Variants in FRMD4B observed in about 807,000 individuals in gnomAD.
FRMD4B encodes the protein FERM domain-containing protein 4B.
Under a neutral mutation model 141.5 loss-of-function variants are expected in FRMD4B, and 74 were observed. That is an observed-to-expected ratio of 0.52 (90% CI 0.43 to 0.63). The LOEUF (loss-of-function observed/expected upper bound fraction) is 0.63, where lower values mean the gene tolerates loss of function less well. FRMD4B is among the 30% of genes least tolerant of loss of function. The pLI, the probability that FRMD4B is intolerant of heterozygous loss-of-function variation, is 0.00. For missense variants in FRMD4B, 1,366 were observed against 1,253.4 expected, an observed-to-expected ratio of 1.09 and a Z score of -1.36; for synonymous variants, 506 against 467.9, an observed-to-expected ratio of 1.08 and a Z score of -1.05.
At chr3:69,216,851 T>G (rs1210170424) in intron 10 of FRMD4B, among the ~76,000 whole-genome samples, 1 of 152,154 alleles carries the variant, frequency 6.6e-6, no homozygotes, top group Non-Finnish European at 1.5e-5. Context: ...AATCTTTAAG[T>G]TGAAATAGTC....
intron 5 of FRMD4B, among the ~76,000 whole-genome samples, chr3:69,256,015 T>C (rs2093490203): frequency 6.6e-6 from 1 of 152,052 alleles, no homozygotes; most frequent in African/African-American, 2.4e-5. Flanking sequence ...GAGGATTGCT[T>C]GAGCCAAGGA....
intron 1 of FRMD4B, among the ~76,000 whole-genome samples, chr3:69,322,759 GCTAA>G (rs1196054365): frequency 6.6e-6 from 1 of 151,964 alleles, no homozygotes; most frequent in African/African-American, 2.4e-5. Context: ...ACCACACCTG[GCTAA>G]CTTTTTCTAT....
intron 1 of FRMD4B, among the ~76,000 whole-genome samples, chr3:69,531,015 G>A (rs1701002019): frequency 1.3e-5 from 2 of 152,156 alleles, no homozygotes. Context: ...ACTGGCAACA[G>A]GCATCTTGCA....
intron 5 of FRMD4B, 96 bp downstream of exon 5, chr3:69,287,656 C>G: frequency 2.0e-5 from 12 of 600,924 alleles, no homozygotes; most frequent in South Asian, 1.9e-5. Flanking sequence ...TTTTTTTTTT[C>G]TTAGTTTGAA....
intron 1 of FRMD4B, among the ~76,000 whole-genome samples, chr3:69,464,771 T>C (rs9284821): frequency 0.031 from 4,643 of 152,154 alleles, 249 homozygotes; most frequent in African/African-American, 0.11. Context: ...GAAAACAAAA[T>C]TGAACCTGAA....
In FRMD4B at chr3:69,196,328, C is replaced by T. The variant is rs756860865; in HGVS notation, c.1161G>A (p.Arg387=). The change falls in exon 14 of 23, where the codon AGG becomes AGA. Residue 387 remains arginine (R), a synonymous_variant. Transcript: ENST00000398540. ...AMDLTETGTQ[R]ASKLVTLETK... ...TCTCCAGTGTCACCAGCTTGGAGGCCCTTTGTGTTCCTGTCTCTGTCAAAT... is the reference window on the plus strand; with the variant it reads ...TCTCCAGTGTCACCAGCTTGGAGGCTCTTTGTGTTCCTGTCTCTGTCAAAT... 2 of 1,609,284 alleles carry T rather than the reference C, an allele frequency of 1.2e-6. No individual in the cohort carries two copies. The highest frequency in any genetic ancestry group is 2.2e-5 in the East Asian group (1 of 44,718).
intron 4 of FRMD4B, among the ~76,000 whole-genome samples, chr3:69,299,103 G>C (rs183388533): frequency 6.6e-6 from 1 of 152,032 alleles, no homozygotes; most frequent in African/African-American, 2.4e-5. Flanking sequence ...CTTCACTATC[G>C]GGTCCTCAGA....
At chr3:69,200,626 C>CCTAA in intron 11 of FRMD4B, 1 of 1,216,902 alleles carries the variant, frequency 8.2e-7, no homozygotes, top group Non-Finnish European at 1.0e-6. Flanking sequence ...AATTCTACTC[C>CCTAA]TTCCTCCCAT....
intron 1 of FRMD4B, among the ~76,000 whole-genome samples, chr3:69,362,072 T>C (rs945411550): frequency 6.6e-5 from 10 of 152,216 alleles, no homozygotes; most frequent in African/African-American, 2.4e-4. Context: ...GCATTTGTGT[T>C]TAAGTGACTT....
intron 4 of FRMD4B, among the ~76,000 whole-genome samples, chr3:69,298,776 T>C (rs1701115443): frequency 6.6e-6 from 1 of 152,134 alleles, no homozygotes; most frequent in Admixed American, 6.5e-5. Context: ...ACCACTGTTT[T>C]TAGAAATGCA....
At chr3:69,385,029 A>G (rs1279777979) in intron 1 of FRMD4B, among the ~76,000 whole-genome samples, 4 of 151,982 alleles carry the variant, frequency 2.6e-5, no homozygotes, top group African/African-American at 9.7e-5. Context: ...TATATTAACA[A>G]CCAAAGCACA....
intron 11 of FRMD4B, among the ~76,000 whole-genome samples, chr3:69,214,918 C>T (rs1034997375): frequency 2.6e-5 from 4 of 151,808 alleles, no homozygotes; most frequent in African/African-American, 9.7e-5. Flanking sequence ...CTCACCCTGT[C>T]GCCCAGGCTG....
At chr3:69,461,126 G>C (rs1345465340) in intron 1 of FRMD4B, among the ~76,000 whole-genome samples, 5 of 152,210 alleles carry the variant, frequency 3.3e-5, no homozygotes, top group Non-Finnish European at 7.3e-5. Flanking sequence ...AGCTCTCTCT[G>C]CGTGTGATAT....
At chr3:69,244,651 T>A (rs932034561) in intron 7 of FRMD4B, among the ~76,000 whole-genome samples, 2 of 150,822 alleles carry the variant, frequency 1.3e-5, no homozygotes, top group Non-Finnish European at 2.9e-5. Flanking sequence ...TCCCAGCATT[T>A]TGGGAGGCTG....
intron 2 of FRMD4B, among the ~76,000 whole-genome samples, chr3:69,396,478 C>G (rs1272118013): frequency 6.6e-6 from 1 of 151,656 alleles, no homozygotes. Flanking sequence ...GCACTTTAGC[C>G]TGGGTGACAG....
At position 69,386,023 on chromosome 3, in the gene FRMD4B, G is replaced by A. The variant is rs772085765; in HGVS notation, c.-34C>T. 14 of 1,530,758 alleles carry A rather than the reference G, an allele frequency of 9.1e-6. 1 individual carries two copies. Among genetic ancestry groups the A allele is most frequent in the Middle Eastern group, 1.7e-4 (1 of 5,804 alleles). 94.8% of individuals were successfully genotyped at this position (1,530,758 alleles called of 1,614,324 possible). A position where few individuals can be genotyped will look rare whatever the true frequency, so the allele number is the denominator to read the frequency against. On this transcript the variant is annotated 5_prime_UTR_variant, in exon 1 of 23. Coordinates refer to ENST00000398540, the MANE Select transcript of FRMD4B (RefSeq NM_015123.3). ...CTTCGCTCTGAACCCGGGCGTCCCG[G>A]CTCTCGTACGTGCAGCCCCGACCCC...
At chr3:69,417,826 A>G (rs971029294) in intron 2 of FRMD4B, among the ~76,000 whole-genome samples, 3 of 152,190 alleles carry the variant, frequency 2.0e-5, no homozygotes, top group African/African-American at 7.2e-5. Flanking sequence ...CAGCAGAGCC[A>G]TACTTCCTCC....
At chr3:69,477,495 C>T (rs1299725282) in intron 1 of FRMD4B, among the ~76,000 whole-genome samples, 1 of 151,334 alleles carries the variant, frequency 6.6e-6, no homozygotes, top group Non-Finnish European at 1.5e-5. Flanking sequence ...TGTTTATATG[C>T]TGGATTACGT....
In FRMD4B at chr3:69,271,342, T is replaced by C. The variant is rs182689635; in HGVS notation, c.501+16410A>G. On this transcript the variant is annotated intron_variant, in intron 5 of 22. Coordinates refer to ENST00000398540, the MANE Select transcript of FRMD4B (RefSeq NM_015123.3). Reference sequence around the variant, plus strand: ...TAGTGCCAACTGGAGGGCATTTTCCTTGTCCTCTGCTTTATGACTATGTCC... The same window carrying C: ...TAGTGCCAACTGGAGGGCATTTTCCCTGTCCTCTGCTTTATGACTATGTCC... Among the ~76,000 whole-genome samples, 104 of 152,360 alleles carry C rather than the reference T, an allele frequency of 6.8e-4. 1 individual carries two copies. Among genetic ancestry groups the C allele is most frequent in the African/African-American group, 2.4e-3 (100 of 41,580 alleles).
Sources: gnomAD v4.1 joint callset for allele counts (sites outside exome capture counted in the v4.1 genomes callset) on GRCh38, gnomAD v4.1.1 for gene constraint, MANE v1.5 for transcripts, NCBI Gene and HGNC (gene_info 2026-07-23, HGNC 2026-07-21) for gene names.